The following DSTN variants were observed in gnomAD, a reference collection of about 807,000 sequenced individuals.
DSTN encodes the protein destrin, actin depolymerizing factor.
DSTN carries 10 observed loss-of-function variants against 16.8 expected under a neutral mutation model. That is an observed-to-expected ratio of 0.60 (90% CI 0.37 to 1.01). DSTN has a LOEUF of 1.01. DSTN is among the 50% of genes least tolerant of loss of function. DSTN has a pLI of 0.01. For synonymous variants in DSTN, 57 were observed against 58.9 expected (o/e 0.97, Z 0.14); for missense variants, 141 against 196.7 (o/e 0.72, Z 1.69).
chr20:17,571,374 TC>T (rs2035205112), intron 1 of DSTN, among the ~76,000 whole-genome samples: 1 of 152,220 alleles, frequency 6.6e-6, no homozygotes. Flanking sequence ...TACTACAACT[TC>T]CGTGAACATG....
chr20:17,602,935 G>A (rs965735887), intron 2 of DSTN, among the ~76,000 whole-genome samples: 2 of 152,122 alleles, frequency 1.3e-5, no homozygotes, highest in East Asian at 3.9e-4. Context: ...CAGGAGAATC[G>A]CTTGAATCTG....
At chr20:17,591,463 A>G (rs531748578) in intron 1 of DSTN, among the ~76,000 whole-genome samples, 79 of 152,222 alleles carry the variant, frequency 5.2e-4, no homozygotes, top group African/African-American at 1.9e-3. Flanking sequence ...CTTTGGACCT[A>G]CTAATATTGG....
intron 3 of DSTN, chr20:17,605,183 G>A: frequency 4.4e-6 from 2 of 456,292 alleles, no homozygotes; most frequent in Non-Finnish European, 8.8e-6. Flanking sequence ...TGATGAGATG[G>A]CCTGGCCAGA....
chr20:17,599,407 T>C (rs2035561706), intron 1 of DSTN: 1 of 152,288 alleles, frequency 6.6e-6, no homozygotes, highest in South Asian at 2.1e-4. Context: ...GGCACTTGGC[T>C]CTGCTCCTTC....
At chr20:17,578,406 T>C (rs2035302994) in intron 1 of DSTN, among the ~76,000 whole-genome samples, 1 of 152,216 alleles carries the variant, frequency 6.6e-6, no homozygotes, top group African/African-American at 2.4e-5. Context: ...GTAATGGAAA[T>C]TGGGTTTTAA....
At chr20:17,600,341 C>G (rs1376632903) in intron 1 of DSTN, among the ~76,000 whole-genome samples, 1 of 152,048 alleles carries the variant, frequency 6.6e-6, no homozygotes, top group Non-Finnish European at 1.5e-5. Flanking sequence ...CAGCTATGAC[C>G]AGCTACTGTG....
chr20:17,600,657 A>G (rs953480421), intron 1 of DSTN, 81 bp from the exon 2 acceptor site: 1 of 1,407,418 alleles, frequency 7.1e-7, no homozygotes, highest in African/African-American at 1.5e-5. Context: ...AATATATGCC[A>G]ATCTATAAGC....
chr20:17,577,232 TG>T (rs2035289106), intron 1 of DSTN, among the ~76,000 whole-genome samples: 1 of 152,208 alleles, frequency 6.6e-6, no homozygotes, highest in African/African-American at 2.4e-5. Flanking sequence ...GTACTTAACC[TG>T]TAGTAATAGA....
intron 2 of DSTN, among the ~76,000 whole-genome samples, chr20:17,601,661 C>T (rs1008885449): frequency 1.3e-5 from 2 of 152,204 alleles, no homozygotes; most frequent in African/African-American, 2.4e-5. Flanking sequence ...AGCACAGATA[C>T]AGAACATTTC....
chr20:17,603,165 G>T (rs2035604982), intron 2 of DSTN, among the ~76,000 whole-genome samples: 2 of 152,182 alleles, frequency 1.3e-5, no homozygotes, highest in South Asian at 4.1e-4. Flanking sequence ...CCCAAGAATG[G>T]AATCTCTGCT....
chr20:17,578,682 C>T (rs565929697), intron 1 of DSTN, among the ~76,000 whole-genome samples: 60 of 152,226 alleles, frequency 3.9e-4, no homozygotes, highest in African/African-American at 1.2e-3. Context: ...AAGAAGTGGC[C>T]GGGCGTGGTG....
At chr20:17,602,687 A>G (rs2035599097) in intron 2 of DSTN, among the ~76,000 whole-genome samples, 1 of 152,222 alleles carries the variant, frequency 6.6e-6, no homozygotes, top group Non-Finnish European at 1.5e-5. Context: ...GAATAAAAGC[A>G]GAACAGCTGA....
At chr20:17,592,932 C>G (rs1239645313) in intron 1 of DSTN, among the ~76,000 whole-genome samples, 1 of 152,290 alleles carries the variant, frequency 6.6e-6, no homozygotes, top group East Asian at 1.9e-4. Context: ...GCTGGAGTGC[C>G]TACTATAATT....
chr20:17,607,173 T>C lies in DSTN; in HGVS notation c.*27T>C, dbSNP rs113529876. ...TTATTCAGTGCCACAAATTGAAAGC[T>C]TCCATGTTTAATGTTATCCTCTTGC... On this transcript the variant is annotated 3_prime_UTR_variant, in exon 4 of 4. Coordinates refer to ENST00000246069, the MANE Select transcript of DSTN (RefSeq NM_006870.4). The C allele has an allele frequency of 6.3e-7, 1 of 1,599,200 alleles. No individual in the cohort carries two copies. Among genetic ancestry groups the C allele is most frequent in the South Asian group, 1.1e-5 (1 of 89,572 alleles).
intron 1 of DSTN, among the ~76,000 whole-genome samples, chr20:17,582,596 T>G (rs7264490): frequency 1.3e-5 from 2 of 152,068 alleles, no homozygotes; most frequent in Non-Finnish European, 2.9e-5. Context: ...GATAATTCAG[T>G]TGGGGGGAGA....
intron 1 of DSTN, among the ~76,000 whole-genome samples, chr20:17,571,280 A>C (rs1318783204): frequency 2.0e-5 from 3 of 152,242 alleles, no homozygotes; most frequent in East Asian, 3.8e-4. Context: ...TTACACTGTA[A>C]TTGCATCTGT....
At chr20:17,581,718 T>C (rs2035346708) in intron 1 of DSTN, among the ~76,000 whole-genome samples, 1 of 152,194 alleles carries the variant, frequency 6.6e-6, no homozygotes, top group South Asian at 2.1e-4. Context: ...GTCACTATGC[T>C]TGAGGTCCTA....
At chr20:17,570,271 G>A (rs1376202881) in intron 1 of DSTN, 60 bp downstream of exon 1, 3 of 1,442,176 alleles carry the variant, frequency 2.1e-6, no homozygotes, top group Non-Finnish European at 2.7e-6. Context: ...TGTCTCTGGG[G>A]CGCCGCGGAG....
At chr20:17,572,278 C>T (rs950393540) in intron 1 of DSTN, among the ~76,000 whole-genome samples, 10 of 152,186 alleles carry the variant, frequency 6.6e-5, no homozygotes, top group Non-Finnish European at 1.2e-4. Flanking sequence ...TCTCCTCCAA[C>T]AAAAAACAAA....
Sources: allele counts gnomAD v4.1 joint callset (sites outside exome capture counted in the v4.1 genomes callset), GRCh38; gene constraint gnomAD v4.1.1; transcripts MANE v1.5; gene names NCBI Gene and HGNC (gene_info 2026-07-23, HGNC 2026-07-21).